The following SDK1 variants were observed in gnomAD, a reference collection of about 807,000 sequenced individuals.
The protein encoded by SDK1 is sidekick cell adhesion molecule 1, also known as protein sidekick-1.
A neutral mutation model predicts 245.5 loss-of-function variants in SDK1; 157 were observed. The observed-to-expected ratio is 0.64, with a 90% CI of 0.56 to 0.73. The LOEUF is 0.73. Ranked by LOEUF, SDK1 falls within the 30% of genes least tolerant of loss-of-function variation. The probability of loss-of-function intolerance (pLI) is 0.00; values close to 1 mark genes in which losing one functional copy is unlikely to be tolerated. For synonymous variants in SDK1, 1,647 were observed against 1,278.5 expected (o/e 1.29, Z -6.15); for missense variants, 3,583 against 3,002.3 (o/e 1.19, Z -4.52).
chr7:3,480,692 G>C (rs75538940), intron 1 of SDK1, among the ~76,000 whole-genome samples: 2,057 of 152,300 alleles, frequency 0.014, 15 homozygotes, highest in Middle Eastern at 0.027. Context: ...ATGGATTGTA[G>C]TCCCCTGCTA....
At position 4,026,152 on chromosome 7, in the gene SDK1, C is replaced by T. The variant is rs1278167036; in HGVS notation, c.2602+8800C>T. Among the ~76,000 whole-genome samples the T allele has an allele frequency of 2.0e-5, 3 of 152,224 alleles. No individual in the cohort carries two copies. The highest frequency in any genetic ancestry group is 2.1e-4 in the South Asian group (1 of 4,836). On this transcript the variant is annotated intron_variant, in intron 17 of 44. Transcript: ENST00000404826. The surrounding 1 kb of genome is among the most constrained non-coding windows in gnomAD (Gnocchi z 4.1). ...TGTATGGAAAAGGCCCCTTGCCCCA[C>T]GGCTGGAGAGGGGAGCTGGTCGTGG...
At chr7:3,559,637 A>G (rs1779688627) in intron 1 of SDK1, among the ~76,000 whole-genome samples, 1 of 152,108 alleles carries the variant, frequency 6.6e-6, no homozygotes, top group Non-Finnish European at 1.5e-5. Flanking sequence ...CTGTTTTAAC[A>G]GTAGTGTTGA....
chr7:3,948,846 C>T (rs1214448359), intron 5 of SDK1, among the ~76,000 whole-genome samples: 1 of 152,234 alleles, frequency 6.6e-6, no homozygotes, highest in East Asian at 1.9e-4. Context: ...CATCTGCCAC[C>T]GTGGCTGAGC....
intron 4 of SDK1, among the ~76,000 whole-genome samples, chr7:3,738,019 G>C (rs1779368253): frequency 6.6e-6 from 1 of 152,194 alleles, no homozygotes; most frequent in African/African-American, 2.4e-5. Flanking sequence ...AGATAGTTTT[G>C]CTAGTTGGTT....
At chr7:3,992,017 C>A (rs1784366254) in intron 14 of SDK1, among the ~76,000 whole-genome samples, 1 of 152,242 alleles carries the variant, frequency 6.6e-6, no homozygotes, top group African/African-American at 2.4e-5. Flanking sequence ...AAGTGGTCAG[C>A]ACTAAATAGC....
At chr7:3,428,533 T>G (rs1347630414) in intron 1 of SDK1, among the ~76,000 whole-genome samples, 1 of 152,230 alleles carries the variant, frequency 6.6e-6, no homozygotes, top group Non-Finnish European at 1.5e-5. Flanking sequence ...CTCTTAATGC[T>G]TCTGTCAAAT....
chr7:3,797,050 G>A (rs1778977899), intron 4 of SDK1, among the ~76,000 whole-genome samples: 2 of 149,780 alleles, frequency 1.3e-5, no homozygotes, highest in Admixed American at 6.7e-5. Context: ...TGTGTCCTGG[G>A]CTCTGGAGTG....
intron 14 of SDK1, among the ~76,000 whole-genome samples, chr7:3,993,011 ACAGTTGAAACGT>A (rs1383852778): frequency 2.0e-5 from 3 of 152,208 alleles, no homozygotes; most frequent in Non-Finnish European, 4.4e-5. Context: ...CTCTTTTGAT[ACAGTTGAAACGT>A]CTTACTGGTT....
chr7:3,779,478 C>T (rs552564677), intron 4 of SDK1, among the ~76,000 whole-genome samples: 1 of 151,086 alleles, frequency 6.6e-6, no homozygotes, highest in African/African-American at 2.4e-5. Context: ...AAAACAAGGA[C>T]AAATTTAACC....
At chr7:3,338,192 G>C in intron 1 of SDK1, 1 of 263,050 alleles carries the variant, frequency 3.8e-6, no homozygotes, top group Non-Finnish European at 7.4e-6. Flanking sequence ...AGAAAACATG[G>C]ACTTGTTCTT....
intron 40 of SDK1, among the ~76,000 whole-genome samples, chr7:4,229,356 A>G (rs1054489970): frequency 3.5e-4 from 53 of 152,324 alleles, no homozygotes; most frequent in Non-Finnish European, 7.1e-4. Flanking sequence ...AAAAATGGGA[A>G]CATTTTCTTC....
intron 4 of SDK1, among the ~76,000 whole-genome samples, chr7:3,684,070 G>T (rs1206778777): frequency 6.6e-6 from 1 of 152,178 alleles, no homozygotes; most frequent in Admixed American, 6.5e-5. Flanking sequence ...TTCCGCTGTG[G>T]GGTGGTGGTG....
At chr7:3,570,401 C>T (rs1034852401) in intron 1 of SDK1, among the ~76,000 whole-genome samples, 4 of 152,098 alleles carry the variant, frequency 2.6e-5, no homozygotes, top group Non-Finnish European at 4.4e-5. Context: ...GGCAGTAATG[C>T]TTGCTTGCCC....
chr7:4,118,950 T>C lies in SDK1; in HGVS notation c.3823+4676T>C, dbSNP rs367972826. Among the ~76,000 whole-genome samples, 4 of 148,728 alleles carry C rather than the reference T, an allele frequency of 2.7e-5. No homozygotes were observed. In the South Asian group the frequency reaches 6.7e-4, roughly 25 times the overall value. On this transcript the variant is annotated intron_variant, in intron 25 of 44. Transcript: ENST00000404826. ...AGCATTTGAGAGGAATGGGAAGTGA[T>C]GGGTGATGGAAACAGAGCTTCTTTT...
chr7:3,716,825 T>G (rs995478203), intron 4 of SDK1, among the ~76,000 whole-genome samples: 14 of 150,080 alleles, frequency 9.3e-5, no homozygotes, highest in African/African-American at 3.4e-4. Context: ...AGATAATGTG[T>G]TGCTATAATA....
intron 4 of SDK1, among the ~76,000 whole-genome samples, chr7:3,655,110 C>G (rs1783121561): frequency 6.7e-6 from 1 of 148,534 alleles, no homozygotes. Flanking sequence ...GCAATGATCA[C>G]AATCAAGAGG....
intron 5 of SDK1, among the ~76,000 whole-genome samples, chr7:3,878,007 A>C (rs1781115822): frequency 6.6e-6 from 1 of 152,256 alleles, no homozygotes; most frequent in African/African-American, 2.4e-5. Flanking sequence ...ATTTTAAATA[A>C]TGAGACATAT....
chr7:3,929,044 C>T (rs1024834827), intron 5 of SDK1, among the ~76,000 whole-genome samples: 9 of 152,268 alleles, frequency 5.9e-5, no homozygotes, highest in African/African-American at 1.9e-4. Flanking sequence ...ACATCAGACA[C>T]AGTTAGCCTT....
chr7:3,372,029 CTG>C (rs1781240629), intron 1 of SDK1, among the ~76,000 whole-genome samples: 1 of 152,204 alleles, frequency 6.6e-6, no homozygotes, highest in Non-Finnish European at 1.5e-5. Context: ...GGTTCAGTAA[CTG>C]TCATCAGCTA....
Sources: allele counts gnomAD v4.1 joint callset (sites outside exome capture counted in the v4.1 genomes callset), GRCh38; gene constraint gnomAD v4.1.1; non-coding constraint Gnocchi (gnomAD v3.1); transcripts MANE v1.5; gene names NCBI Gene and HGNC (gene_info 2026-07-23, HGNC 2026-07-21).